RELCH: variants seen among roughly 807,000 people sequenced by gnomAD.
The protein encoded by RELCH is RAB11 binding and LisH domain, coiled-coil and HEAT repeat containing, also known as RAB11-binding protein RELCH.
In RELCH, 41 loss-of-function variants were observed where a neutral mutation model predicts 150.3. The ratio of observed to expected loss-of-function variants is 0.27; its 90% CI spans 0.21 to 0.35. RELCH has a LOEUF of 0.35. Ranked by LOEUF, RELCH falls within the 10% of genes least tolerant of loss-of-function variation. The pLI, the probability that RELCH is intolerant of heterozygous loss-of-function variation, is 1.00. For synonymous variants in RELCH, 478 were observed against 531.8 expected (o/e 0.90, Z 1.39); for missense variants, 1,092 against 1,467.8 (o/e 0.74, Z 4.18).
chr18:62,304,748 G>C (rs967415140), intron 28 of RELCH, among the ~76,000 whole-genome samples: 5 of 152,144 alleles, frequency 3.3e-5, no homozygotes, highest in Admixed American at 6.5e-5. Flanking sequence ...AATCTTTAGA[G>C]GTCATTTAGA....
chr18:62,283,976 C>T (rs184250298), intron 25 of RELCH, among the ~76,000 whole-genome samples: 3 of 152,084 alleles, frequency 2.0e-5, no homozygotes, highest in Non-Finnish European at 4.4e-5. Context: ...TGCTGTGTGC[C>T]GTGTCATATA....
chr18:62,221,800 A>C (rs1406520155), intron 5 of RELCH, among the ~76,000 whole-genome samples: 2 of 151,876 alleles, frequency 1.3e-5, no homozygotes, highest in Non-Finnish European at 2.9e-5. Context: ...TTAAAGACAT[A>C]CTTTATAGTA....
chr18:62,248,256 G>A (rs185715783), intron 11 of RELCH, among the ~76,000 whole-genome samples: 100 of 152,156 alleles, frequency 6.6e-4, no homozygotes, highest in Non-Finnish European at 1.2e-3. Flanking sequence ...CCTTATAAAG[G>A]CATTGTGATG....
At chr18:62,202,790 A>G (rs1267254310) in intron 1 of RELCH, among the ~76,000 whole-genome samples, 2 of 152,224 alleles carry the variant, frequency 1.3e-5, no homozygotes, top group African/African-American at 2.4e-5. Flanking sequence ...AAGACTTAGT[A>G]AACTAATAAC....
chr18:62,218,204 GA>G (rs1410675239), intron 2 of RELCH, among the ~76,000 whole-genome samples: 3 of 151,726 alleles, frequency 2.0e-5, no homozygotes, highest in Admixed American at 6.6e-5. Context: ...TTATAGTCAG[GA>G]AAAAAATTCC....
At chr18:62,234,575 ATATCT>A (rs2041777853) in intron 10 of RELCH, among the ~76,000 whole-genome samples, 1 of 151,924 alleles carries the variant, frequency 6.6e-6, no homozygotes, top group African/African-American at 2.4e-5. Context: ...GAACTTAGTA[ATATCT>A]TAGCTGATTA....
intron 2 of RELCH, among the ~76,000 whole-genome samples, chr18:62,220,370 T>TA (rs199806360): frequency 0.086 from 12,965 of 151,076 alleles, 681 homozygotes; most frequent in Middle Eastern, 0.17. Flanking sequence ...TTTGGATTTT[T>TA]TTTTTTTTTT....
chr18:62,255,347 C>CTT, intron 12 of RELCH, 60 bp from the exon 13 acceptor site: 1 of 1,111,942 alleles, frequency 9.0e-7, no homozygotes, highest in Non-Finnish European at 1.4e-6. Context: ...ATGTAATTCT[C>CTT]TTTTGAAGGA....
intron 18 of RELCH, among the ~76,000 whole-genome samples, chr18:62,266,454 G>A (rs1157309548): frequency 6.6e-6 from 1 of 151,716 alleles, no homozygotes; most frequent in Admixed American, 6.6e-5. Context: ...GAAACCAGAG[G>A]CCATTCACTT....
chr18:62,229,485 G>GGTGTGT (rs58842870), intron 8 of RELCH, among the ~76,000 whole-genome samples: 3,634 of 143,366 alleles, frequency 0.025, 53 homozygotes, highest in South Asian at 0.053. Context: ...GTATAGTAGG[G>GGTGTGT]GTGTGTGTGT....
Position 62,253,355 on chromosome 18 carries a change from A to G in RELCH, c.1824+601A>G, listed in dbSNP as rs76624179. ...GTATACTTGTATATATTACAAATATATAAGGTGTAAATCTTTGATGTGGGA... is the reference window on the plus strand; with the variant it reads ...GTATACTTGTATATATTACAAATATGTAAGGTGTAAATCTTTGATGTGGGA... On this transcript the variant is annotated intron_variant, in intron 12 of 28. Coordinates refer to ENST00000644646, the MANE Select transcript of RELCH (RefSeq NM_001346231.2). Among the ~76,000 whole-genome samples, 1,349 of 152,020 alleles carry G rather than the reference A, an allele frequency of 8.9e-3. 14 individuals are homozygous for G. Among genetic ancestry groups the G allele is most frequent in the Middle Eastern group, 0.071 (21 of 294 alleles).
chr18:62,219,887 G>C (rs2040740356), intron 2 of RELCH, among the ~76,000 whole-genome samples: 1 of 151,774 alleles, frequency 6.6e-6, no homozygotes, highest in African/African-American at 2.4e-5. Context: ...ATCTCATTTG[G>C]CATCTTTTTT....
At chr18:62,287,227 T>C in intron 25 of RELCH, 124 bp from the exon 26 acceptor site, 1 of 633,142 alleles carries the variant, frequency 1.6e-6, no homozygotes, top group South Asian at 1.9e-5. Flanking sequence ...TGGGTAATCT[T>C]TTGAAGTCAT....
chr18:62,193,034 C>T (rs945581567), intron 1 of RELCH, among the ~76,000 whole-genome samples: 1 of 151,960 alleles, frequency 6.6e-6, no homozygotes, highest in Admixed American at 6.6e-5. Context: ...ATTGTGTTCT[C>T]TCTATTTCCT....
intron 20 of RELCH, chr18:62,269,372 G>T: frequency 2.4e-6 from 1 of 421,466 alleles, no homozygotes; most frequent in South Asian, 1.8e-5. Context: ...CAAATGCTTA[G>T]GATGAAAGTG....
At chr18:62,225,751 A>C (rs2041174710) in intron 5 of RELCH, among the ~76,000 whole-genome samples, 1 of 151,942 alleles carries the variant, frequency 6.6e-6, no homozygotes, top group Non-Finnish European at 1.5e-5. Flanking sequence ...TTTTGGTTGA[A>C]TGATAGATAG....
chr18:62,204,979 A>G (rs917914317), intron 1 of RELCH, among the ~76,000 whole-genome samples: 1 of 152,194 alleles, frequency 6.6e-6, no homozygotes, highest in Admixed American at 6.5e-5. Flanking sequence ...TTAACTTTTT[A>G]TTATGAAAAG....
chr18:62,261,218 C>G (rs1389901000), intron 15 of RELCH, among the ~76,000 whole-genome samples: 2 of 151,910 alleles, frequency 1.3e-5, no homozygotes, highest in African/African-American at 4.8e-5. Context: ...ATTCCTGTCC[C>G]TTACTTTAAT....
chr18:62,280,859 G>A (rs2044477223), intron 24 of RELCH, 150 bp downstream of exon 24: 3 of 579,554 alleles, frequency 5.2e-6, no homozygotes, highest in Admixed American at 3.0e-5. Flanking sequence ...TGAAAACATG[G>A]TAGCCTAACC....
Sources: gnomAD v4.1 joint callset for allele counts (sites outside exome capture counted in the v4.1 genomes callset) on GRCh38, gnomAD v4.1.1 for gene constraint, MANE v1.5 for transcripts, NCBI Gene and HGNC (gene_info 2026-07-23, HGNC 2026-07-21) for gene names.